The following DAB1 variants were observed in gnomAD, a reference collection of about 807,000 sequenced individuals.
DAB1 encodes DAB adaptor protein 1, also known as disabled homolog 1.
Under a neutral mutation model 64.6 loss-of-function variants are expected in DAB1, and 15 were observed. The observed-to-expected ratio is 0.23, with a 90% CI of 0.16 to 0.36. The LOEUF is 0.36. Among genes scored for constraint, DAB1 ranks in the 10% least tolerant of loss-of-function variants. DAB1 has a pLI of 1.00. For synonymous variants in DAB1, 235 were observed against 251.9 expected (o/e 0.93, Z 0.64); for missense variants, 596 against 706.7 (o/e 0.84, Z 1.78).
chr1:57,348,354 GT>G (rs1287427105), intron 1 of DAB1, among the ~76,000 whole-genome samples: 1 of 152,106 alleles, frequency 6.6e-6, no homozygotes, highest in Non-Finnish European at 1.5e-5. Context: ...AGAGAGGGTG[GT>G]TTTATCAGAG....
At chr1:57,615,707 A>AT (rs1645783712) in intron 7 of DAB1, among the ~76,000 whole-genome samples, 1 of 151,524 alleles carries the variant, frequency 6.6e-6, no homozygotes, top group Non-Finnish European at 1.5e-5. Flanking sequence ...AAAGAAAAAA[A>AT]AGTTCTTTGG....
chr1:57,604,932 T>C (rs926259746), intron 7 of DAB1, among the ~76,000 whole-genome samples: 2 of 152,198 alleles, frequency 1.3e-5, no homozygotes, highest in African/African-American at 4.8e-5. Flanking sequence ...CTATCTCTTG[T>C]ATCTTGGTGG....
chr1:58,327,743 G>A (rs1313547708), intron 4 of DAB1, among the ~76,000 whole-genome samples: 13 of 152,222 alleles, frequency 8.5e-5, no homozygotes, highest in Non-Finnish European at 1.8e-4. Flanking sequence ...AGCAGATCAC[G>A]AGGTCAGGAG....
intron 4 of DAB1, among the ~76,000 whole-genome samples, chr1:57,108,552 C>T (rs145355656): frequency 5.9e-5 from 9 of 152,196 alleles, no homozygotes; most frequent in African/African-American, 2.2e-4. Context: ...ATTGTCCTAT[C>T]TCCTTCATTA....
chr1:58,067,347 C>T (rs2100562825), intron 5 of DAB1, among the ~76,000 whole-genome samples: 1 of 152,340 alleles, frequency 6.6e-6, no homozygotes, highest in South Asian at 2.1e-4. Flanking sequence ...ATGAGCTTCT[C>T]TGATAAAGCA....
intron 7 of DAB1, among the ~76,000 whole-genome samples, chr1:57,628,635 GACCCTAT>G (rs1355702862): frequency 5.3e-5 from 8 of 152,038 alleles, no homozygotes; most frequent in Non-Finnish European, 1.2e-4. Flanking sequence ...GGTCATATAC[GACCCTAT>G]TTGGTCATAT....
chr1:57,032,017 C>A (rs1257993301), intron 9 of DAB1, among the ~76,000 whole-genome samples: 1 of 152,180 alleles, frequency 6.6e-6, no homozygotes, highest in African/African-American at 2.4e-5. Context: ...GGCCTGTTCT[C>A]TCCCCAGTCA....
At chr1:57,171,864 T>A (rs1238839799) in intron 2 of DAB1, among the ~76,000 whole-genome samples, 1 of 152,204 alleles carries the variant, frequency 6.6e-6, no homozygotes, top group East Asian at 1.9e-4. Flanking sequence ...AGGTGTATAT[T>A]AGTTTGCTAG....
intron 9 of DAB1, among the ~76,000 whole-genome samples, chr1:57,055,362 A>G (rs1649642208): frequency 6.6e-6 from 1 of 152,216 alleles, no homozygotes; most frequent in Non-Finnish European, 1.5e-5. Context: ...ATTAAAATAC[A>G]CAACGAAAAG....
intron 5 of DAB1, among the ~76,000 whole-genome samples, chr1:58,072,236 G>A (rs79860702): frequency 6.6e-6 from 1 of 151,984 alleles, no homozygotes; most frequent in Non-Finnish European, 1.5e-5. Context: ...ACTTGAGAAA[G>A]ACAAATATTG....
At chr1:57,746,126 T>C (rs1311660084) in intron 6 of DAB1, among the ~76,000 whole-genome samples, 2 of 152,202 alleles carry the variant, frequency 1.3e-5, no homozygotes, top group Non-Finnish European at 2.9e-5. Context: ...AAATTATAAA[T>C]AGGACTGCAA....
At position 58,236,047 on chromosome 1, in the gene DAB1, CGA is replaced by C. The variant is rs1660015439; in HGVS notation, n.310-85461_310-85460del. Among the ~76,000 whole-genome samples, 3 of 152,148 alleles carry C rather than the reference CGA, an allele frequency of 2.0e-5. No individual in the cohort carries two copies. The South Asian group carries it at 6.2e-4, about 32-fold the overall frequency. On this transcript the variant is annotated intron_variant and non_coding_transcript_variant, in intron 4 of 20. Transcript: ENST00000485760. Reference sequence around the variant, plus strand: ...CTGTCGGTCAGGGGCAGCAGAAAGACGAGAGCAAGGCTTCAAGGATCCTGGGC... The same window carrying C: ...CTGTCGGTCAGGGGCAGCAGAAAGACGAGCAAGGCTTCAAGGATCCTGGGC...
chr1:57,938,886 C>G (rs1645064158), intron 5 of DAB1, among the ~76,000 whole-genome samples: 1 of 151,986 alleles, frequency 6.6e-6, no homozygotes, highest in East Asian at 1.9e-4. Context: ...CTTGTACCAA[C>G]TGCTTCTCTT....
chr1:57,914,591 C>G (rs1477324600), intron 5 of DAB1, among the ~76,000 whole-genome samples: 1 of 151,992 alleles, frequency 6.6e-6, no homozygotes, highest in African/African-American at 2.4e-5. Context: ...AAAAAGAATC[C>G]TATGCCTGCA....
chr1:57,987,444 A>G (rs972297293), intron 5 of DAB1, among the ~76,000 whole-genome samples: 3 of 152,242 alleles, frequency 2.0e-5, no homozygotes, highest in African/African-American at 7.2e-5. Context: ...GCTGGGGCAT[A>G]GGAAGGTGAA....
chr1:58,469,212 A>G (rs984751359), intron 3 of DAB1, among the ~76,000 whole-genome samples: 9 of 152,312 alleles, frequency 5.9e-5, no homozygotes, highest in Middle Eastern at 6.8e-3. Context: ...CTTTGGAATC[A>G]CACAGACCTG....
intron 2 of DAB1, among the ~76,000 whole-genome samples, chr1:57,179,161 G>A (rs1662648056): frequency 6.6e-6 from 1 of 151,822 alleles, no homozygotes; most frequent in Admixed American, 6.6e-5. Context: ...GGGCACATGG[G>A]GTTTGGGGGG....
At chr1:57,320,311 G>T (rs1325326241) in intron 1 of DAB1, among the ~76,000 whole-genome samples, 1 of 152,132 alleles carries the variant, frequency 6.6e-6, no homozygotes, top group Non-Finnish European at 1.5e-5. Context: ...AAATTACCCA[G>T]TTGCAGGTAT....
intron 7 of DAB1, among the ~76,000 whole-genome samples, chr1:57,613,345 G>A (rs1444380089): frequency 6.6e-6 from 1 of 152,158 alleles, no homozygotes; most frequent in Non-Finnish European, 1.5e-5. Context: ...ACCTACCCAT[G>A]AGGCACTGAG....
Sources: allele counts gnomAD v4.1 joint callset (sites outside exome capture counted in the v4.1 genomes callset), GRCh38; gene constraint gnomAD v4.1.1; transcripts MANE v1.5; gene names NCBI Gene and HGNC (gene_info 2026-07-23, HGNC 2026-07-21).